The following SLC25A37 variants were observed in gnomAD, a reference collection of about 807,000 sequenced individuals.
The protein encoded by SLC25A37 is solute carrier family 25 member 37.
A neutral mutation model predicts 31.0 loss-of-function variants in SLC25A37; 17 were observed. The ratio of observed to expected loss-of-function variants is 0.55; its 90% CI spans 0.38 to 0.82. SLC25A37 has a LOEUF of 0.82. SLC25A37 is among the 40% of genes least tolerant of loss of function. SLC25A37 has a pLI of 0.00. For synonymous variants in SLC25A37, 222 were observed against 193.0 expected, an observed-to-expected ratio of 1.15 and a Z score of -1.24; for missense variants, 404 against 465.8, an observed-to-expected ratio of 0.87 and a Z score of 1.22.
In SLC25A37 at chr8:23,529,271, T is replaced by G; in HGVS notation, c.210+59T>G. On this transcript the variant is annotated intron_variant, in intron 1 of 3. Transcript: ENST00000519973. This position sits in a 1 kb window ranked among gnomAD's most constrained non-coding sequence, Gnocchi z 4.1. ...GCGGAGAAGGAGCGCGCGCGCGCAT[T>G]TGCATCCCGCGCGCCGGCAGCCTCG... 6.7e-7 allele frequency: 1 copy of G among 1,494,248 alleles called. No homozygotes were observed. The highest frequency in any genetic ancestry group is 9.0e-7 in the Non-Finnish European group (1 of 1,108,596). The allele number at this position is 1,494,248 out of a possible 1,614,324, so 92.6% of individuals were successfully genotyped here.
intron 1 of SLC25A37, among the ~76,000 whole-genome samples, chr8:23,546,528 GGTGT>G (rs1663994295): frequency 1.3e-5 from 1 of 78,532 alleles, no homozygotes; most frequent in African/African-American, 5.2e-5. Context: ...TATATATATA[GGTGT>G]ATATATATAT....
At chr8:23,546,877 T>G (rs189192302) in intron 1 of SLC25A37, among the ~76,000 whole-genome samples, 3 of 152,056 alleles carry the variant, frequency 2.0e-5, no homozygotes, top group Non-Finnish European at 4.4e-5. Flanking sequence ...TAATTTGCTA[T>G]TATGGGGGTT....
chr8:23,559,871 A>C (rs919850137), intron 1 of SLC25A37, among the ~76,000 whole-genome samples: 2 of 152,064 alleles, frequency 1.3e-5, no homozygotes, highest in Non-Finnish European at 2.9e-5. Flanking sequence ...CACTGTATGG[A>C]TATATTACAT....
At chr8:23,542,076 A>C (rs1367216409) in intron 1 of SLC25A37, among the ~76,000 whole-genome samples, 1 of 152,228 alleles carries the variant, frequency 6.6e-6, no homozygotes, top group Non-Finnish European at 1.5e-5. Context: ...GAATGACTGA[A>C]TTACAGTCAG....
intron 1 of SLC25A37, among the ~76,000 whole-genome samples, chr8:23,556,175 C>G (rs1250454070): frequency 6.6e-6 from 1 of 151,574 alleles, no homozygotes; most frequent in Admixed American, 6.6e-5. Context: ...GGGGCAATGA[C>G]TACTTTTAGG....
intron 1 of SLC25A37, among the ~76,000 whole-genome samples, chr8:23,538,431 A>C (rs970040521): frequency 2.0e-5 from 3 of 151,532 alleles, no homozygotes; most frequent in Non-Finnish European, 4.4e-5. Flanking sequence ...TTGCCATTAA[A>C]CAAATTCCAG....
chr8:23,537,594 A>G (rs1056932075), intron 1 of SLC25A37, among the ~76,000 whole-genome samples: 2 of 152,224 alleles, frequency 1.3e-5, no homozygotes, highest in African/African-American at 4.8e-5. Flanking sequence ...AATAGAGAAG[A>G]GTAGCAGTGC....
chr8:23,564,329 A>G (rs1291871350), intron 1 of SLC25A37, among the ~76,000 whole-genome samples: 3 of 152,034 alleles, frequency 2.0e-5, no homozygotes, highest in African/African-American at 7.2e-5. Flanking sequence ...AGCCCCAGAG[A>G]GTCCTTTGCC....
At chr8:23,538,258 G>A (rs954291626) in intron 1 of SLC25A37, among the ~76,000 whole-genome samples, 25 of 151,688 alleles carry the variant, frequency 1.6e-4, no homozygotes, top group Middle Eastern at 3.4e-3. Flanking sequence ...GTGGGTGCCT[G>A]TAATCCCAGC....
intron 1 of SLC25A37, among the ~76,000 whole-genome samples, chr8:23,551,701 T>TA (rs1171085843): frequency 6.6e-6 from 1 of 152,032 alleles, no homozygotes; most frequent in Non-Finnish European, 1.5e-5. Context: ...GAGCCCCACT[T>TA]ACAGATAAGA....
chr8:23,531,228 C>T (rs1051304335), intron 1 of SLC25A37, among the ~76,000 whole-genome samples: 1 of 152,240 alleles, frequency 6.6e-6, no homozygotes. Flanking sequence ...GCACAGTTGT[C>T]TGCCAAGCAT....
intron 1 of SLC25A37, among the ~76,000 whole-genome samples, chr8:23,551,034 A>G (rs1802210146): frequency 6.6e-6 from 1 of 152,290 alleles, no homozygotes; most frequent in Non-Finnish European, 1.5e-5. Flanking sequence ...GCCACACCAG[A>G]CCAGTCAGCA....
intron 1 of SLC25A37, among the ~76,000 whole-genome samples, chr8:23,546,059 C>T (rs28485733): frequency 0.097 from 14,656 of 151,710 alleles, 1,024 homozygotes; most frequent in East Asian, 0.34. Flanking sequence ...CACTTGAACC[C>T]GGGAGGCAGA....
At chr8:23,550,220 C>A (rs117601768) in intron 1 of SLC25A37, among the ~76,000 whole-genome samples, 4,453 of 135,904 alleles carry the variant, frequency 0.033, 451 homozygotes, top group Non-Finnish European at 0.047. Flanking sequence ...AACAAAAACC[C>A]GCTTTGTTAC....
At chr8:23,538,787 C>T (rs901529052) in intron 1 of SLC25A37, among the ~76,000 whole-genome samples, 2 of 152,196 alleles carry the variant, frequency 1.3e-5, no homozygotes, top group Non-Finnish European at 2.9e-5. Context: ...AGTCGCCTGT[C>T]TTGACGGACT....
intron 1 of SLC25A37, among the ~76,000 whole-genome samples, chr8:23,530,671 A>G (rs1801645704): frequency 6.6e-6 from 1 of 152,200 alleles, no homozygotes; most frequent in African/African-American, 2.4e-5. Flanking sequence ...AAAATTCTCC[A>G]TGATTGAAGC....
At chr8:23,546,614 G>A (rs1372053992) in intron 1 of SLC25A37, among the ~76,000 whole-genome samples, 3,165 of 134,036 alleles carry the variant, frequency 0.024, 76 homozygotes, top group Non-Finnish European at 0.033. Context: ...GTGTGTGTGT[G>A]TGTGTGTATA....
intron 1 of SLC25A37, among the ~76,000 whole-genome samples, chr8:23,561,452 G>T (rs1296582557): frequency 6.6e-6 from 1 of 152,230 alleles, no homozygotes; most frequent in Non-Finnish European, 1.5e-5. Context: ...GTGGGATGGG[G>T]ACAGTCATTA....
chr8:23,554,729 G>A (rs755430271), intron 1 of SLC25A37, among the ~76,000 whole-genome samples: 5 of 152,184 alleles, frequency 3.3e-5, no homozygotes, highest in South Asian at 2.1e-4. Context: ...GCCAGTGGGC[G>A]GAGAGGGAAA....
Sources: allele counts gnomAD v4.1 joint callset (sites outside exome capture counted in the v4.1 genomes callset), GRCh38; gene constraint gnomAD v4.1.1; non-coding constraint Gnocchi (gnomAD v3.1); transcripts MANE v1.5; gene names NCBI Gene and HGNC (gene_info 2026-07-23, HGNC 2026-07-21).